The following CAP2 variants were observed in gnomAD, a reference collection of about 807,000 sequenced individuals.
The protein encoded by CAP2 is adenylyl cyclase-associated protein 2.
In CAP2, 24 loss-of-function variants were observed where a neutral mutation model predicts 57.7. The observed-to-expected ratio is 0.42, with a 90% CI of 0.30 to 0.58. CAP2 has a LOEUF of 0.58. CAP2 is among the 20% of genes least tolerant of loss of function. The pLI is 0.22. For synonymous variants in CAP2, 194 were observed against 207.2 expected, an observed-to-expected ratio of 0.94 and a Z score of 0.55; for missense variants, 501 against 590.3, an observed-to-expected ratio of 0.85 and a Z score of 1.57.
At chr6:17,444,804 C>CCGCACA (rs1554123222) in intron 3 of CAP2, among the ~76,000 whole-genome samples, 1 of 140,406 alleles carries the variant, frequency 7.1e-6, no homozygotes, top group African/African-American at 2.7e-5. Flanking sequence ...TTCTCTCTCT[C>CCGCACA]CACACACACA....
chr6:17,419,557 C>G (rs1179431638), intron 1 of CAP2, among the ~76,000 whole-genome samples: 1 of 152,138 alleles, frequency 6.6e-6, no homozygotes, highest in Non-Finnish European at 1.5e-5. Flanking sequence ...CAGAGGTTGC[C>G]TTAAAGACAT....
intron 1 of CAP2, among the ~76,000 whole-genome samples, chr6:17,406,830 A>G (rs771972663): frequency 4.6e-5 from 7 of 152,108 alleles, no homozygotes; most frequent in African/African-American, 1.7e-4. Context: ...ACACTCTTCT[A>G]TTAGCCAGGG....
intron 7 of CAP2, among the ~76,000 whole-genome samples, chr6:17,536,535 G>A (rs1007118743): frequency 3.3e-5 from 5 of 152,134 alleles, no homozygotes; most frequent in African/African-American, 4.8e-5. Flanking sequence ...TTTGTCTCGC[G>A]TTCCTGGGCC....
intron 11 of CAP2, among the ~76,000 whole-genome samples, chr6:17,545,811 C>A (rs966515075): frequency 6.6e-6 from 1 of 151,900 alleles, no homozygotes; most frequent in Non-Finnish European, 1.5e-5. Context: ...TTTGTCCTTG[C>A]GATAGTTTGC....
intron 1 of CAP2, among the ~76,000 whole-genome samples, chr6:17,401,180 G>A (rs1758805490): frequency 6.6e-6 from 1 of 152,208 alleles, no homozygotes; most frequent in Admixed American, 6.5e-5. Context: ...CTTGGGAGGT[G>A]AATAGGTCAT....
At chr6:17,544,541 T>A (rs1486867274) in intron 11 of CAP2, among the ~76,000 whole-genome samples, 1 of 141,540 alleles carries the variant, frequency 7.1e-6, no homozygotes, top group East Asian at 2.4e-4. Context: ...TTATAACTTC[T>A]ATCTTTTTTT....
chr6:17,403,554 T>C (rs1401909005), intron 1 of CAP2, among the ~76,000 whole-genome samples: 1 of 152,254 alleles, frequency 6.6e-6, no homozygotes, highest in Non-Finnish European at 1.5e-5. Flanking sequence ...TGTTGTTTTC[T>C]AAGTCACATC....
chr6:17,398,299 A>G (rs7748415), intron 1 of CAP2, among the ~76,000 whole-genome samples: 127,461 of 151,986 alleles, frequency 0.84, 53,695 homozygotes, highest in East Asian at 0.97. Flanking sequence ...TATCCTGCGG[A>G]GTGGTCTAGT....
intron 3 of CAP2, among the ~76,000 whole-genome samples, chr6:17,439,166 T>G (rs762096345): frequency 1.3e-5 from 2 of 151,050 alleles, no homozygotes; most frequent in African/African-American, 2.5e-5. Context: ...CTTTTTCTTC[T>G]AACACTTTCA....
At chr6:17,530,105 G>A (rs1269661567) in intron 7 of CAP2, among the ~76,000 whole-genome samples, 3 of 152,104 alleles carry the variant, frequency 2.0e-5, no homozygotes, top group Non-Finnish European at 4.4e-5. Context: ...TTGAGACAGG[G>A]TCTCTGTCTC....
At chr6:17,475,356 T>C (rs1187313001) in intron 4 of CAP2, among the ~76,000 whole-genome samples, 1 of 152,188 alleles carries the variant, frequency 6.6e-6, no homozygotes, top group Non-Finnish European at 1.5e-5. Flanking sequence ...TAGTTATCAA[T>C]TGACAGCATA....
At chr6:17,544,857 A>C (rs1224264493) in intron 11 of CAP2, among the ~76,000 whole-genome samples, 1 of 152,148 alleles carries the variant, frequency 6.6e-6, no homozygotes, top group African/African-American at 2.4e-5. Context: ...ACCCAGCCCC[A>C]GTTTAGTATT....
At chr6:17,489,020 T>G (rs1197916824) in intron 4 of CAP2, among the ~76,000 whole-genome samples, 5 of 152,208 alleles carry the variant, frequency 3.3e-5, no homozygotes, top group African/African-American at 1.2e-4. Flanking sequence ...ATTACCCGTT[T>G]TGCCTTTGGC....
chr6:17,547,196 T>C (rs1044413329), intron 11 of CAP2, among the ~76,000 whole-genome samples: 1 of 152,230 alleles, frequency 6.6e-6, no homozygotes, highest in African/African-American at 2.4e-5. Flanking sequence ...TATAAATACA[T>C]TTATTGTACT....
At chr6:17,544,315 C>CT (rs1762989641) in intron 11 of CAP2, among the ~76,000 whole-genome samples, 1 of 151,894 alleles carries the variant, frequency 6.6e-6, no homozygotes, top group Non-Finnish European at 1.5e-5. Context: ...CCAAAGAGAA[C>CT]TTTTTTCTCA....
chr6:17,405,149 G>A (rs878902547), intron 1 of CAP2, among the ~76,000 whole-genome samples: 18 of 152,304 alleles, frequency 1.2e-4, no homozygotes, highest in Admixed American at 3.9e-4. Context: ...TTGGGAGGCC[G>A]AGGCGGGTGG....
chr6:17,396,428 A>G (rs142175537), intron 1 of CAP2, among the ~76,000 whole-genome samples: 1 of 152,352 alleles, frequency 6.6e-6, no homozygotes, highest in Admixed American at 6.5e-5. Context: ...TGGATAAATA[A>G]AAGGTGGTAT....
chr6:17,469,897 A>G (rs1760973638), intron 4 of CAP2, among the ~76,000 whole-genome samples: 1 of 152,188 alleles, frequency 6.6e-6, no homozygotes, highest in Non-Finnish European at 1.5e-5. Flanking sequence ...TTTGTTAATA[A>G]TTTGTTCACA....
At chr6:17,445,627 A>G (rs527975320) in intron 3 of CAP2, among the ~76,000 whole-genome samples, 5 of 152,342 alleles carry the variant, frequency 3.3e-5, no homozygotes, top group African/African-American at 1.2e-4. Context: ...CCCTGGTTTC[A>G]AGAGTCTTTG....
Sources: allele counts gnomAD v4.1 joint callset (sites outside exome capture counted in the v4.1 genomes callset), GRCh38; gene constraint gnomAD v4.1.1; transcripts MANE v1.5; gene names NCBI Gene and HGNC (gene_info 2026-07-23, HGNC 2026-07-21).